The following SNAPC3 variants were observed in gnomAD, a reference collection of about 807,000 sequenced individuals.
The protein encoded by SNAPC3 is snRNA-activating protein complex subunit 3.
In SNAPC3, 56 loss-of-function variants were observed where a neutral mutation model predicts 47.7. The observed-to-expected ratio is 1.18, with a 90% confidence interval of 0.95 to 1.47. The LOEUF is 1.47. SNAPC3 is among the 40% of genes most tolerant of loss of function. The pLI is 0.00. For synonymous variants in SNAPC3, 235 were observed against 189.9 expected (o/e 1.24, Z -1.95); for missense variants, 665 against 511.3 (o/e 1.30, Z -2.90).
chr9:15,446,988 T>C, intron 4 of SNAPC3, 107 bp from the exon 5 acceptor site: 1 of 964,600 alleles, frequency 1.0e-6, no homozygotes. Flanking sequence ...ATGGGGACAA[T>C]TTAAAATTAA....
At chr9:15,430,717 AAATATACAGACG>A (rs1198796915) in intron 2 of SNAPC3, among the ~76,000 whole-genome samples, 1 of 152,224 alleles carries the variant, frequency 6.6e-6, no homozygotes, top group Non-Finnish European at 1.5e-5. Flanking sequence ...GAAATACCTT[AAATATACAGACG>A]TAGGAGAGGA....
At chr9:15,463,607 C>G (rs1282641519), downstream of SNAPC3, 1 of 152,046 alleles carries the variant, frequency 6.6e-6, no homozygotes, top group Non-Finnish European at 1.5e-5. Flanking sequence ...AGCCAATGAA[C>G]AATTTCAATG....
rs778679839 is a variant in SNAPC3, at chr9:15,444,582, G to A, written c.478-20G>A. 6.9e-7 allele frequency: 1 copy of A among 1,458,656 alleles called. No individual in the cohort carries two copies. 90.4% of individuals were successfully genotyped at this position (1,458,656 alleles called of 1,614,324 possible). Reference sequence around the variant, plus strand: ...CTGAGTTATAGTATCTGATTTCAGTGTCTCTTTTTCTTTCTTCAGGAGTCA... The same window carrying A: ...CTGAGTTATAGTATCTGATTTCAGTATCTCTTTTTCTTTCTTCAGGAGTCA... On this transcript the variant is annotated intron_variant, in intron 3 of 8. Transcript: ENST00000380821.
intron 3 of SNAPC3, among the ~76,000 whole-genome samples, chr9:15,440,631 A>G (rs1028882240): frequency 6.6e-6 from 1 of 152,178 alleles, no homozygotes; most frequent in African/African-American, 2.4e-5. Flanking sequence ...TTTGAGGCCA[A>G]TCTAGGCTAC....
chr9:15,456,940 T>TA, intron 7 of SNAPC3, among the ~76,000 whole-genome samples: 1 of 152,272 alleles, frequency 6.6e-6, no homozygotes, highest in South Asian at 2.1e-4. Flanking sequence ...GTTTTAATTT[T>TA]AAAAAAATCA....
intron 2 of SNAPC3, among the ~76,000 whole-genome samples, chr9:15,425,174 T>C (rs903794572): frequency 5.9e-5 from 9 of 152,332 alleles, no homozygotes; most frequent in South Asian, 4.1e-4. Context: ...TCAGGATGCA[T>C]GTGGCCTCTC....
chr9:15,447,165 C>A lies in SNAPC3; in HGVS notation c.653C>A (p.Ser218Ter), dbSNP rs1379253634. ...CAAAAACTCACACAACTGAGGGATT[C>A]AATTCGATGTGTCAGTGACCTCCAG... ...GSQKLTQLRD[S>*]IRCVSDLQIG... is the part of the protein sequence containing the mutation. Residue 218 changes from serine to a stop codon, truncating the protein, a stop_gained, in exon 5 of 9, where the codon TCA becomes TAA. Coordinates refer to ENST00000380821, the MANE Select transcript of SNAPC3 (RefSeq NM_001039697.2). LOFTEE classifies it high-confidence loss of function. 1.9e-6 allele frequency: 3 copies of A among 1,613,834 alleles called. No homozygotes were observed. The highest frequency in any genetic ancestry group is 2.5e-6 in the Non-Finnish European group (3 of 1,179,720).
At chr9:15,427,224 A>G (rs2031525802) in intron 2 of SNAPC3, among the ~76,000 whole-genome samples, 1 of 151,920 alleles carries the variant, frequency 6.6e-6, no homozygotes, top group African/African-American at 2.4e-5. Context: ...CAGTTTTGAC[A>G]TTTTTTTTGA....
At chr9:15,456,683 G>C (rs111762103) in intron 7 of SNAPC3, among the ~76,000 whole-genome samples, 5,882 of 151,948 alleles carry the variant, frequency 0.039, 352 homozygotes, top group African/African-American at 0.13. Context: ...TCCTAGGCTG[G>C]TCTTGAACTC....
downstream of SNAPC3, chr9:15,465,716 GTTATTAGAACAGTCATTA>G: frequency 1.5e-6 from 1 of 651,084 alleles, no homozygotes; most frequent in Non-Finnish European, 2.6e-6. Context: ...AACTTGACTT[GTTATTAGAACAGTCATTA>G]TTATTTTTTT....
downstream of SNAPC3, chr9:15,465,572 C>A (rs1793416518): frequency 6.3e-7 from 1 of 1,582,058 alleles, no homozygotes; most frequent in Non-Finnish European, 8.7e-7. Flanking sequence ...TCTCTCTTCA[C>A]TGGATGGCCT....
intron 2 of SNAPC3, among the ~76,000 whole-genome samples, chr9:15,425,683 A>G (rs2131728078): frequency 6.6e-6 from 1 of 152,342 alleles, no homozygotes; most frequent in African/African-American, 2.4e-5. Context: ...TCTCAAGCCT[A>G]CTATACTGCC....
rs144149652 is a variant in SNAPC3 at position 15,459,842 on chromosome 9, T to C, written c.1212T>C (p.Tyr404=). ...TGGGGGAATTCCTTGCTTATCCTTA[T>C]GTTGATCCTGGAACCTTTAATTAAG... ...NKLGEFLAYP[Y]VDPGTFN Residue 404 remains tyrosine, a synonymous_variant, in exon 9 of 9, where the codon TAT becomes TAC. Coordinates refer to ENST00000380821, the MANE Select transcript of SNAPC3 (RefSeq NM_001039697.2). 6.8e-6 allele frequency: 11 copies of C among 1,613,562 alleles called. No individual in the cohort carries two copies. The African/African-American group carries it at 1.1e-4, about 16-fold the overall frequency.
intron 3 of SNAPC3, among the ~76,000 whole-genome samples, chr9:15,441,331 A>T (rs1480364367): frequency 1.3e-5 from 2 of 148,744 alleles, no homozygotes; most frequent in South Asian, 2.1e-4. Context: ...TGTTTTCCGT[A>T]ATAGCTGTAT....
At chr9:15,440,724 C>T (rs547046621) in intron 3 of SNAPC3, among the ~76,000 whole-genome samples, 125 of 151,834 alleles carry the variant, frequency 8.2e-4, no homozygotes, top group African/African-American at 2.6e-3. Context: ...CCGAGGCGGG[C>T]GGATCACGAG....
At chr9:15,447,343 TCTC>T in intron 5 of SNAPC3, 99 bp downstream of exon 5, 2 of 1,045,776 alleles carry the variant, frequency 1.9e-6, no homozygotes, top group Non-Finnish European at 2.8e-6. Flanking sequence ...ATCCTTTTCT[TCTC>T]CTGCGGGATT....
intron 4 of SNAPC3, among the ~76,000 whole-genome samples, chr9:15,446,144 C>T (rs2033912127): frequency 6.6e-6 from 1 of 152,144 alleles, no homozygotes; most frequent in Non-Finnish European, 1.5e-5. Flanking sequence ...TTGGTATCAT[C>T]TTGATTATAA....
Position 15,459,790 on chromosome 9 carries a change from T to C in SNAPC3, c.1160T>C (p.Leu387Pro). Residue 387 changes from leucine to proline, a missense_variant, in exon 9 of 9, where the codon CTG (leucine) becomes CCG (proline). Physicochemically the swap from Leu to Pro is moderately conservative, Grantham distance 98. Transcript: ENST00000380821. ...CFFCDVCFRM[L>P]HYDSEGNKLG... The stretch of plus-strand genomic sequence containing the variant: ...TTTTGTGATGTTTGCTTCCGAATGC[T>C]GCACTATGATTCAGAAGGCAACAAA... 2 of 1,613,758 alleles carry C rather than the reference T, an allele frequency of 1.2e-6. No homozygotes were observed. Among genetic ancestry groups the C allele is most frequent in the Non-Finnish European group, 1.7e-6 (2 of 1,179,786 alleles).
intron 4 of SNAPC3, among the ~76,000 whole-genome samples, chr9:15,446,197 G>A (rs994881729): frequency 1.3e-5 from 2 of 152,142 alleles, no homozygotes; most frequent in African/African-American, 4.8e-5. Flanking sequence ...GAGTATGTCA[G>A]TTGTACCCAT....
Sources: allele counts gnomAD v4.1 joint callset (sites outside exome capture counted in the v4.1 genomes callset), GRCh38; gene constraint gnomAD v4.1.1; transcripts MANE v1.5; gene names NCBI Gene and HGNC (gene_info 2026-07-23, HGNC 2026-07-21).